PCDH15: variants seen among roughly 807,000 people sequenced by gnomAD.
PCDH15 encodes the protein protocadherin-15.
A neutral mutation model predicts 178.5 loss-of-function variants in PCDH15; 129 were observed. The observed-to-expected ratio is 0.72, with a 90% CI of 0.63 to 0.84. PCDH15 has a LOEUF of 0.84. Among genes scored for constraint, PCDH15 ranks in the 40% least tolerant of loss-of-function variants. The pLI is 0.00. For synonymous variants in PCDH15, 800 were observed against 732.0 expected (o/e 1.09, Z -1.50); for missense variants, 2,230 against 2,099.9 (o/e 1.06, Z -1.21).
chr10:54,807,286 C>T (rs1424042629), intron 3 of PCDH15, among the ~76,000 whole-genome samples: 1 of 151,972 alleles, frequency 6.6e-6, no homozygotes, highest in Non-Finnish European at 1.5e-5. Flanking sequence ...TAAAATTATA[C>T]ATAATTGTAT....
intron 31 of PCDH15, 92 bp downstream of exon 31, chr10:53,828,473 T>C: frequency 9.4e-7 from 1 of 1,065,392 alleles, no homozygotes; most frequent in Non-Finnish European, 1.5e-6. Flanking sequence ...GAATAAGATG[T>C]GGTTCTGAGC....
At chr10:54,636,647 G>A (rs2093860329) in intron 2 of PCDH15, among the ~76,000 whole-genome samples, 1 of 151,910 alleles carries the variant, frequency 6.6e-6, no homozygotes, top group Non-Finnish European at 1.5e-5. Flanking sequence ...GAAAGAAGGG[G>A]AAAGAGCAGA....
At chr10:55,286,605 A>T (rs557283300) in intron 1 of PCDH15, among the ~76,000 whole-genome samples, 2 of 152,010 alleles carry the variant, frequency 1.3e-5, no homozygotes, top group African/African-American at 4.8e-5. Context: ...CAAGGAAAAC[A>T]GCAGGCAAAA....
intron 2 of PCDH15, among the ~76,000 whole-genome samples, chr10:55,138,505 T>A (rs1263749557): frequency 6.6e-6 from 1 of 152,112 alleles, no homozygotes; most frequent in Non-Finnish European, 1.5e-5. Context: ...TTTCCCCCAA[T>A]GTTGTGTCCT....
At chr10:54,931,904 C>T (rs12770986) in intron 2 of PCDH15, among the ~76,000 whole-genome samples, 1 of 152,140 alleles carries the variant, frequency 6.6e-6, no homozygotes, top group Non-Finnish European at 1.5e-5. Context: ...TGAAGAGTTG[C>T]TACTTAACCC....
At chr10:54,152,215 G>A (rs1423886932) in intron 14 of PCDH15, among the ~76,000 whole-genome samples, 3 of 152,070 alleles carry the variant, frequency 2.0e-5, no homozygotes, top group Non-Finnish European at 4.4e-5. Context: ...AGTAGAAAAC[G>A]TAGAATAACT....
At chr10:54,754,629 T>A (rs1414342701) in intron 1 of PCDH15, among the ~76,000 whole-genome samples, 1 of 152,148 alleles carries the variant, frequency 6.6e-6, no homozygotes. Context: ...TTAATTATTA[T>A]CATTATTTTT....
At chr10:54,890,867 T>C (rs1000735066) in intron 3 of PCDH15, among the ~76,000 whole-genome samples, 1 of 152,070 alleles carries the variant, frequency 6.6e-6, no homozygotes, top group Non-Finnish European at 1.5e-5. Flanking sequence ...AGTTGTCCTC[T>C]TTCTCTGAAA....
At chr10:53,841,947 G>GAAAAA (rs539058922) in intron 28 of PCDH15, among the ~76,000 whole-genome samples, 2 of 100,874 alleles carry the variant, frequency 2.0e-5, no homozygotes, top group Non-Finnish European at 2.1e-5. Flanking sequence ...TCTCCAAAGG[G>GAAAAA]AAAAAAAAAA....
At chr10:54,509,323 T>C (rs1436278696) in intron 3 of PCDH15, among the ~76,000 whole-genome samples, 1 of 152,118 alleles carries the variant, frequency 6.6e-6, no homozygotes, top group Non-Finnish European at 1.5e-5. Flanking sequence ...TCTTGAGATC[T>C]GATGGTTTTA....
chr10:54,538,965 A>G (rs2084889460), intron 2 of PCDH15, among the ~76,000 whole-genome samples: 1 of 152,212 alleles, frequency 6.6e-6, no homozygotes, highest in Non-Finnish European at 1.5e-5. Context: ...GTAAAATGGC[A>G]TTGAAAGTTC....
rs151112074 is a variant in PCDH15, at chr10:54,926,680, C to T, written c.-79-29180G>A. Among the ~76,000 whole-genome samples, 105 of 151,710 alleles carry T rather than the reference C, an allele frequency of 6.9e-4. No homozygotes were observed. The East Asian group carries it at 0.02, about 29-fold the overall frequency. On this transcript the variant is annotated intron_variant, in intron 2 of 5. Coordinates refer to the PCDH15 transcript ENST00000458638. ...TAAATTTCTTCCTGGTTCAGTCTTG[C>T]GAGGGTATATGTGTTCAAAAATCTA...
chr10:54,216,026 G>A (rs1421726025), intron 9 of PCDH15, among the ~76,000 whole-genome samples: 1 of 118,954 alleles, frequency 8.4e-6, no homozygotes, highest in African/African-American at 3.4e-5. Context: ...CTGGGCTACA[G>A]AGTGAGACTC....
intron 2 of PCDH15, among the ~76,000 whole-genome samples, chr10:54,566,307 C>T (rs1031897955): frequency 6.6e-6 from 1 of 152,116 alleles, no homozygotes; most frequent in Non-Finnish European, 1.5e-5. Context: ...ACGTGGTACA[C>T]TTGTTACAGT....
intron 2 of PCDH15, among the ~76,000 whole-genome samples, chr10:55,437,323 G>A (rs1188234915): frequency 6.6e-6 from 1 of 152,158 alleles, no homozygotes; most frequent in African/African-American, 2.4e-5. Context: ...GATAAGCTCT[G>A]AAAATATACC....
chr10:54,898,868 A>G (rs1437951127), intron 2 of PCDH15, among the ~76,000 whole-genome samples: 2 of 152,216 alleles, frequency 1.3e-5, no homozygotes, highest in African/African-American at 4.8e-5. Context: ...GAGTAGATGT[A>G]TATTTGTTAA....
chr10:54,682,131 T>A (rs1591025642), intron 1 of PCDH15, among the ~76,000 whole-genome samples: 1 of 152,220 alleles, frequency 6.6e-6, no homozygotes, highest in Non-Finnish European at 1.5e-5. Context: ...TCTTTTATTT[T>A]CCAGCCACAT....
At chr10:55,588,642 C>A (rs1019317348) in intron 2 of PCDH15, among the ~76,000 whole-genome samples, 3 of 151,580 alleles carry the variant, frequency 2.0e-5, no homozygotes, top group African/African-American at 4.9e-5. Context: ...AGAATAAAAC[C>A]TCTAGTATTA....
chr10:54,764,188 T>G (rs1401887336), intron 1 of PCDH15, among the ~76,000 whole-genome samples: 1 of 152,054 alleles, frequency 6.6e-6, no homozygotes, highest in Non-Finnish European at 1.5e-5. Context: ...CACAAACTGA[T>G]CAAAAATTGG....
Sources: allele counts gnomAD v4.1 joint callset (sites outside exome capture counted in the v4.1 genomes callset), GRCh38; gene constraint gnomAD v4.1.1; transcripts MANE v1.5; gene names NCBI Gene and HGNC (gene_info 2026-07-23, HGNC 2026-07-21).